The following DGKE variants were observed in gnomAD, a reference collection of about 807,000 sequenced individuals.
The protein encoded by DGKE is diacylglycerol kinase epsilon, also known as DAG kinase epsilon.
Under a neutral mutation model 70.0 loss-of-function variants are expected in DGKE, and 53 were observed. The ratio of observed to expected loss-of-function variants is 0.76; its 90% CI spans 0.61 to 0.95. The LOEUF (loss-of-function observed/expected upper bound fraction) is 0.95, where lower values mean the gene tolerates loss of function less well. DGKE is among the 40% of genes least tolerant of loss of function. The pLI is 0.00. For missense variants in DGKE, 655 were observed against 706.9 expected (o/e 0.93, Z 0.83); for synonymous variants, 291 against 257.0 (o/e 1.13, Z -1.27).
chr17:56,851,432 A>G (rs1907643816), intron 7 of DGKE, among the ~76,000 whole-genome samples: 1 of 152,228 alleles, frequency 6.6e-6, no homozygotes, highest in African/African-American at 2.4e-5. Context: ...ATAGTGGCAG[A>G]GAGGATTTCT....
At chr17:56,852,186 G>A (rs1907691582) in intron 7 of DGKE, among the ~76,000 whole-genome samples, 1 of 152,222 alleles carries the variant, frequency 6.6e-6, no homozygotes, top group South Asian at 2.1e-4. Flanking sequence ...GCTGAGGCAG[G>A]TGGATCACCT....
Position 56,867,602 on chromosome 17 carries a change from CA to C in DGKE, c.*4822del, listed in dbSNP as rs1159437356. On this transcript the variant is annotated 3_prime_UTR_variant, in exon 12 of 12. Transcript: ENST00000284061. ...TGGGCAACAGAGCAAGACTCCATCT[CA>C]AAAAAAAAAAGGCCGGGCGTGGTGG... The C allele has an allele frequency of 1.7e-3, 225 of 135,932 alleles. 1 individual carries two copies. Among genetic ancestry groups the C allele is most frequent in the Middle Eastern group, 4.1e-3 (1 of 242 alleles). The allele number at this position is 135,932 out of a possible 1,614,324, so 8.4% of individuals were successfully genotyped here. A position where few individuals can be genotyped will look rare whatever the true frequency, so the allele number is the denominator to read the frequency against.
rs893609484 is a variant in DGKE, at chr17:56,857,052, C to T, written c.1212+427C>T. Among the ~76,000 whole-genome samples the T allele has an allele frequency of 3.3e-5, 5 of 152,064 alleles. No individual in the cohort carries two copies. The South Asian group carries it at 6.2e-4, about 19-fold the overall frequency. ...GGCAAAAGTTGCAGTGAGCCGAGAT[C>T]ATACCACTGCACTCCAACTTGGGCA... On this transcript the variant is annotated intron_variant, in intron 8 of 11. Transcript: ENST00000284061.
chr17:56,857,133 T>G (rs1238332278), intron 8 of DGKE, among the ~76,000 whole-genome samples: 1 of 152,220 alleles, frequency 6.6e-6, no homozygotes, highest in Non-Finnish European at 1.5e-5. Context: ...CAAAGTATTA[T>G]ATAACTCTAA....
In DGKE at chr17:56,866,645, A is replaced by AC. The variant is rs2144314719; in HGVS notation, c.*3857dup. 6.6e-6 allele frequency: 1 copy of AC among 152,374 alleles called. No individual in the cohort carries two copies. The highest frequency in any genetic ancestry group is 1.9e-4 in the East Asian group (1 of 5,184). 9.4% of individuals were successfully genotyped at this position (152,374 alleles called of 1,614,324 possible). A position where few individuals can be genotyped will look rare whatever the true frequency, so the allele number is the denominator to read the frequency against. ...ATGTGGAATCAGTTTTTGGACTGTG[A>AC]CCCATGCAGTGTTGGGGGACAAGGA... On this transcript the variant is annotated 3_prime_UTR_variant, in exon 12 of 12. Transcript: ENST00000284061.
chr17:56,837,417 TAATA>T, intron 2 of DGKE, among the ~76,000 whole-genome samples: 1 of 152,370 alleles, frequency 6.6e-6, no homozygotes, highest in East Asian at 1.9e-4. Flanking sequence ...ATCTGTGTGA[TAATA>T]AATCTTCTTT....
At chr17:56,848,416 C>T in intron 5 of DGKE, among the ~76,000 whole-genome samples, 1 of 152,104 alleles carries the variant, frequency 6.6e-6, no homozygotes. Flanking sequence ...CCTTGGCCTC[C>T]CAAAGTGCTG....
intron 9 of DGKE, among the ~76,000 whole-genome samples, chr17:56,859,869 G>A (rs1908188653): frequency 6.6e-6 from 1 of 152,180 alleles, no homozygotes; most frequent in Non-Finnish European, 1.5e-5. Flanking sequence ...GAGACAATGA[G>A]CAGGGAGTAA....
At chr17:56,845,892 C>A in intron 4 of DGKE, 83 bp downstream of exon 4, 4 of 1,312,026 alleles carry the variant, frequency 3.0e-6, no homozygotes, top group South Asian at 3.6e-5. Flanking sequence ...AGTCACTAAT[C>A]ACCTGATCAT....
chr17:56,865,543 C>T lies in DGKE; in HGVS notation c.*2752C>T, dbSNP rs978207463. The stretch of plus-strand genomic sequence containing the variant: ...TACAAGTTGTCTGCTAGTAAAGTTA[C>T]ATGATTTAGGTGTGTTTTAGGTTTT... On this transcript the variant is annotated 3_prime_UTR_variant, in exon 12 of 12. Transcript: ENST00000284061. 2 of 152,150 alleles carry T rather than the reference C, an allele frequency of 1.3e-5. No homozygotes were observed. The highest frequency in any genetic ancestry group is 2.9e-5 in the Non-Finnish European group (2 of 68,004). The allele number at this position is 152,150 out of a possible 1,614,324, so 9.4% of individuals were successfully genotyped here.
At chr17:56,836,346 A>G (rs535167185) in intron 2 of DGKE, 1 of 152,368 alleles carries the variant, frequency 6.6e-6, no homozygotes, top group Non-Finnish European at 1.5e-5. Context: ...AATGTATTCT[A>G]GACAACTACA....
At chr17:56,840,884 A>C (rs1338282617) in intron 2 of DGKE, among the ~76,000 whole-genome samples, 3 of 152,184 alleles carry the variant, frequency 2.0e-5, no homozygotes, top group Non-Finnish European at 4.4e-5. Context: ...CTAGCTACTC[A>C]GGAGACTGAG....
At chr17:56,853,113 TC>T (rs1907750111) in intron 7 of DGKE, among the ~76,000 whole-genome samples, 1 of 152,244 alleles carries the variant, frequency 6.6e-6, no homozygotes. Flanking sequence ...AAATGTCTCT[TC>T]AAGTCCTTTG....
intron 2 of DGKE, among the ~76,000 whole-genome samples, chr17:56,841,570 A>G (rs1906982384): frequency 6.6e-6 from 1 of 152,202 alleles, no homozygotes; most frequent in Admixed American, 6.5e-5. Context: ...CTATCAAATT[A>G]TCAAAGAAAA....
intron 7 of DGKE, among the ~76,000 whole-genome samples, chr17:56,856,290 A>G (rs184851747): frequency 9.8e-5 from 15 of 152,326 alleles, no homozygotes; most frequent in African/African-American, 3.4e-4. Flanking sequence ...TGTAGCATAT[A>G]AAACAGAAAT....
rs1423822187 is a variant in DGKE at position 56,847,976 on chromosome 17, C to A, written c.799C>A (p.Leu267Ile). ...PIKALQLCTL[L>I]PYYSARVLVC... ...CAAAGCCCTACAACTCTGTACTCTT[C>A]TCCCATATTATTCAGCTCGAGTACT... Residue 267 changes from leucine (L) to isoleucine (I), a missense_variant, in exon 5 of 12, where the codon CTC becomes ATC. Physicochemically the swap from Leu to Ile is conservative, Grantham distance 5. Coordinates refer to ENST00000284061, the MANE Select transcript of DGKE (RefSeq NM_003647.3). 6.2e-7 allele frequency: 1 copy of A among 1,609,014 alleles called. No homozygotes were observed. The highest frequency in any genetic ancestry group is 8.5e-7 in the Non-Finnish European group (1 of 1,177,228).
chr17:56,856,434 G>A, intron 7 of DGKE, 78 bp from the exon 8 acceptor site: 1 of 1,447,244 alleles, frequency 6.9e-7, no homozygotes, highest in East Asian at 2.4e-5. Flanking sequence ...AGAACACAAA[G>A]ACTAAGATTG....
At chr17:56,835,434 A>C in intron 2 of DGKE, 175 bp downstream of exon 2, 1 of 682,742 alleles carries the variant, frequency 1.5e-6, no homozygotes, top group African/African-American at 1.8e-5. Flanking sequence ...TGCAGTAGTC[A>C]TTTGCTGAGA....
chr17:56,836,373 C>T (rs879674771), intron 2 of DGKE: 3 of 152,138 alleles, frequency 2.0e-5, no homozygotes, highest in Admixed American at 6.5e-5. Flanking sequence ...TGTAACCATG[C>T]ATTTTTATTT....
Sources: gnomAD v4.1 joint callset for allele counts (sites outside exome capture counted in the v4.1 genomes callset) on GRCh38, gnomAD v4.1.1 for gene constraint, MANE v1.5 for transcripts, NCBI Gene and HGNC (gene_info 2026-07-23, HGNC 2026-07-21) for gene names.